The following SLCO2A1 variants were observed in gnomAD, a reference collection of about 807,000 sequenced individuals.
SLCO2A1 encodes solute carrier organic anion transporter family member 2A1.
SLCO2A1 carries 60 observed loss-of-function variants against 71.7 expected under a neutral mutation model. The observed-to-expected ratio is 0.84, with a 90% CI of 0.68 to 1.04. SLCO2A1 has a LOEUF of 1.04. Among genes scored for constraint, SLCO2A1 ranks in the 50% least tolerant of loss-of-function variants. The pLI is 0.00. For synonymous variants in SLCO2A1, 308 were observed against 326.7 expected (o/e 0.94, Z 0.62); for missense variants, 745 against 813.4 (o/e 0.92, Z 1.02).
At chr3:134,021,183 G>A (rs145375440) in intron 1 of SLCO2A1, among the ~76,000 whole-genome samples, 1 of 152,170 alleles carries the variant, frequency 6.6e-6, no homozygotes, top group Non-Finnish European at 1.5e-5. Context: ...CTGTTCTTTG[G>A]TTTGTGGTGT....
intron 1 of SLCO2A1, among the ~76,000 whole-genome samples, chr3:133,979,866 C>T (rs1318117735): frequency 1.3e-5 from 2 of 152,150 alleles, no homozygotes; most frequent in African/African-American, 4.8e-5. Flanking sequence ...TGATATGTGG[C>T]CCAGTGAAAC....
chr3:133,992,335 T>C (rs1934869707), intron 1 of SLCO2A1, among the ~76,000 whole-genome samples: 1 of 152,236 alleles, frequency 6.6e-6, no homozygotes, highest in Admixed American at 6.5e-5. Context: ...AGATTTCTAC[T>C]GCAGAGGCAT....
chr3:133,969,432 G>A (rs1372362853), intron 3 of SLCO2A1, among the ~76,000 whole-genome samples: 1 of 152,162 alleles, frequency 6.6e-6, no homozygotes, highest in Admixed American at 6.5e-5. Flanking sequence ...TGCTGCCCAG[G>A]CTGGAGTGGA....
At chr3:133,952,726 T>C (rs909395884) in intron 5 of SLCO2A1, among the ~76,000 whole-genome samples, 2 of 152,246 alleles carry the variant, frequency 1.3e-5, no homozygotes, top group East Asian at 3.8e-4. Context: ...CTTCTTAATA[T>C]ACATTAGGCT....
chr3:133,965,478 G>A (rs1304787304), intron 3 of SLCO2A1, among the ~76,000 whole-genome samples: 2 of 152,344 alleles, frequency 1.3e-5, no homozygotes, highest in South Asian at 2.1e-4. Flanking sequence ...TGACATGGAT[G>A]ACACGAAGCT....
chr3:133,968,545 C>T (rs2108052666), intron 3 of SLCO2A1, among the ~76,000 whole-genome samples: 1 of 152,350 alleles, frequency 6.6e-6, no homozygotes, highest in South Asian at 2.1e-4. Context: ...TGGAAAGTGA[C>T]TCTTCCCTTT....
intron 1 of SLCO2A1, among the ~76,000 whole-genome samples, chr3:134,009,210 A>G (rs1403925074): frequency 2.0e-5 from 3 of 152,214 alleles, no homozygotes; most frequent in Non-Finnish European, 2.9e-5. Context: ...CAAAGACAAA[A>G]AACAAAACCA....
intron 1 of SLCO2A1, among the ~76,000 whole-genome samples, chr3:133,999,455 G>A (rs1287982264): frequency 6.6e-6 from 1 of 150,494 alleles, no homozygotes; most frequent in African/African-American, 2.5e-5. Flanking sequence ...TCTAGACCAA[G>A]CACATTCATG....
rs1171010252 is a variant in SLCO2A1 at position 134,021,705 on chromosome 3, AAG to A, written c.96+8000_96+8001del. On this transcript the variant is annotated intron_variant, in intron 1 of 13. Transcript: ENST00000310926. Reference sequence around the variant, plus strand: ...AGAGACAGAGGCAAAAGGAAAGTCAAAGAGAGAGAGACAAAGTCAAAGAGAGA... The same window carrying A: ...AGAGACAGAGGCAAAAGGAAAGTCAAAGAGAGAGACAAAGTCAAAGAGAGA... Among the ~76,000 whole-genome samples the A allele has an allele frequency of 9.9e-5, 15 of 152,218 alleles. No homozygotes were observed. The South Asian group carries it at 1.7e-3, about 17-fold the overall frequency.
chr3:133,951,881 C>T (rs1465223156), intron 5 of SLCO2A1, among the ~76,000 whole-genome samples: 1 of 152,150 alleles, frequency 6.6e-6, no homozygotes, highest in Admixed American at 6.5e-5. Context: ...CTACTGCCTC[C>T]CAACTTTATG....
At chr3:133,987,546 C>T (rs9842346) in intron 1 of SLCO2A1, among the ~76,000 whole-genome samples, 18,410 of 152,082 alleles carry the variant, frequency 0.12, 1,370 homozygotes, top group Non-Finnish European at 0.16. Flanking sequence ...CTTTCTGGAC[C>T]AAACCAATGT....
intron 3 of SLCO2A1, chr3:133,955,455 T>C (rs1178749909): frequency 2.0e-6 from 1 of 509,656 alleles, no homozygotes; most frequent in African/African-American, 1.9e-5. Flanking sequence ...TGGAGAGGAA[T>C]CTTCCTCTCG....
chr3:133,968,273 A>G (rs1159071965), intron 3 of SLCO2A1, among the ~76,000 whole-genome samples: 1 of 150,478 alleles, frequency 6.6e-6, no homozygotes, highest in African/African-American at 2.5e-5. Flanking sequence ...CCTCACATAC[A>G]CACCTATACA....
At chr3:134,024,492 A>AGGCT (rs1576464486) in intron 1 of SLCO2A1, among the ~76,000 whole-genome samples, 1 of 152,250 alleles carries the variant, frequency 6.6e-6, no homozygotes, top group Non-Finnish European at 1.5e-5. Flanking sequence ...CCCAGACCTG[A>AGGCT]GGCTACATGA....
intron 3 of SLCO2A1, among the ~76,000 whole-genome samples, chr3:133,972,074 C>T (rs73861293): frequency 0.038 from 5,749 of 152,044 alleles, 122 homozygotes; most frequent in South Asian, 0.077. Context: ...GCTACTAGAA[C>T]GATCTGAAAA....
At chr3:134,010,924 T>A (rs1182825720) in intron 1 of SLCO2A1, among the ~76,000 whole-genome samples, 3 of 152,156 alleles carry the variant, frequency 2.0e-5, no homozygotes, top group Non-Finnish European at 2.9e-5. Context: ...AGTCAAACCA[T>A]ATCAGGTGGG....
intron 10 of SLCO2A1, 131 bp from the exon 11 acceptor site, chr3:133,942,899 G>C: frequency 1.0e-6 from 1 of 983,566 alleles, no homozygotes; most frequent in South Asian, 2.2e-5. Flanking sequence ...CTGGTTCCCA[G>C]GGAAGCTGGG....
chr3:133,976,429 G>A (rs1389879172), intron 2 of SLCO2A1, among the ~76,000 whole-genome samples: 2 of 152,150 alleles, frequency 1.3e-5, no homozygotes, highest in Non-Finnish European at 2.9e-5. Context: ...AGGGAGGAGG[G>A]ACAGAGGAGA....
intron 3 of SLCO2A1, among the ~76,000 whole-genome samples, chr3:133,960,768 G>A (rs1934015818): frequency 6.6e-6 from 1 of 152,168 alleles, no homozygotes; most frequent in Non-Finnish European, 1.5e-5. Context: ...AGCTGGGACA[G>A]GGTGCCAGGG....
Sources: allele counts gnomAD v4.1 joint callset (sites outside exome capture counted in the v4.1 genomes callset), GRCh38; gene constraint gnomAD v4.1.1; transcripts MANE v1.5; gene names NCBI Gene and HGNC (gene_info 2026-07-23, HGNC 2026-07-21).